The following TBCB variants were observed in gnomAD, a reference collection of about 807,000 sequenced individuals.
TBCB encodes the protein tubulin-folding cofactor B.
In TBCB, 18 loss-of-function variants were observed where a neutral mutation model predicts 29.2. That is an observed-to-expected ratio of 0.62 (90% CI 0.43 to 0.91). The LOEUF (loss-of-function observed/expected upper bound fraction) is 0.91, where lower values mean the gene tolerates loss of function less well. Among genes scored for constraint, TBCB ranks in the 40% least tolerant of loss-of-function variants. TBCB has a pLI of 0.00. For missense variants in TBCB, 336 were observed against 337.6 expected (o/e 1.00, Z 0.04); for synonymous variants, 172 against 137.8 (o/e 1.25, Z -1.74).
chr19:36,116,127 G>A lies in TBCB; in HGVS notation c.201G>A (p.Leu67=). 1 of 1,614,192 alleles carries A rather than the reference G, an allele frequency of 6.2e-7. No homozygotes were observed. The highest frequency in any genetic ancestry group is 8.5e-7 in the Non-Finnish European group (1 of 1,180,030). ...YGVDDKFYSK[L]DQEDALLGSY... is the part of the protein sequence containing the mutation. ...TTGACGACAAGTTCTACAGCAAGCT[G>A]GATCAAGAGGATGCGCTCCTGGGCT... Residue 67 remains leucine (L), a synonymous_variant, in exon 2 of 6, where the codon CTG becomes CTA. Coordinates refer to ENST00000221855, the MANE Select transcript of TBCB (RefSeq NM_001281.3).
rs1220295080 is a variant in TBCB, at chr19:36,116,103, TGAC to T, written c.181_183del (p.Asp61del). The T allele has an allele frequency of 3.7e-6, 6 of 1,614,156 alleles. No homozygotes were observed. Among genetic ancestry groups the T allele is most frequent in the South Asian group, 1.1e-5 (1 of 91,082 alleles). ...GCATGGAACTGGAGCTGTATGGAGTTGACGACAAGTTCTACAGCAAGCTGGATC... is the reference window on the plus strand; with the variant it reads ...GCATGGAACTGGAGCTGTATGGAGTTGACAAGTTCTACAGCAAGCTGGATC... On this transcript the variant is annotated inframe_deletion, in exon 2 of 6. Coordinates refer to ENST00000221855, the MANE Select transcript of TBCB (RefSeq NM_001281.3).
intron 2 of TBCB, chr19:36,120,359 C>T (rs2239509): frequency 0.035 from 8,803 of 250,204 alleles, 322 homozygotes; most frequent in East Asian, 0.19. Context: ...TAGGAGAGTC[C>T]CAGAGGCCCA....
intron 1 of TBCB, 58 bp from the exon 2 acceptor site, chr19:36,115,983 G>GCC: frequency 6.3e-7 from 1 of 1,585,326 alleles, no homozygotes; most frequent in South Asian, 1.1e-5. Flanking sequence ...GATGGTCATT[G>GCC]ATGCAAGGGG....
chr19:36,115,635 G>T lies in TBCB; in HGVS notation c.75G>T (p.Glu25Asp). 1 of 1,595,652 alleles carries T rather than the reference G, an allele frequency of 6.3e-7. No individual in the cohort carries two copies. The highest frequency in any genetic ancestry group is 8.5e-7 in the Non-Finnish European group (1 of 1,170,070). ...GCTCCCTCAACACCTTCCGCTCCGA[G>T]AAGCGATACAGCCGCAGCCTCACCA... ...ISSSLNTFRS[E>D]KRYSRSLTIA... The change falls in exon 1 of 6, where the codon GAG becomes GAT. Residue 25 changes from glutamate to aspartate, a missense_variant. By Grantham distance (45) the Glu-to-Asp change is conservative (BLOSUM62 2). Transcript: ENST00000221855.
chr19:36,122,393 T>A (rs1306468779), intron 4 of TBCB, among the ~76,000 whole-genome samples: 2 of 151,592 alleles, frequency 1.3e-5, no homozygotes, highest in African/African-American at 4.9e-5. Flanking sequence ...TACAGTGAGC[T>A]ATGATTGTGT....
In TBCB at chr19:36,115,577, T is replaced by A. The variant is rs749067440; in HGVS notation, c.17T>A (p.Val6Glu). MEVTG[V>E]SAPTVTVFIS... ...CGCGGCAAGATGGAGGTGACGGGGG[T>A]GTCGGCACCCACGGTGACCGTTTTC... Residue 6 changes from valine to glutamate, a missense_variant, in exon 1 of 6, where the codon GTG becomes GAG. Physicochemically the swap from Val to Glu is moderately radical, Grantham distance 121. Transcript: ENST00000221855. The A allele has an allele frequency of 6.2e-7, 1 of 1,607,286 alleles. No homozygotes were observed. Among genetic ancestry groups the A allele is most frequent in the African/African-American group, 1.3e-5 (1 of 74,510 alleles).
At chr19:36,125,359 A>G (rs747215485) in intron 4 of TBCB, 92 bp from the exon 5 acceptor site, 5 of 1,377,112 alleles carry the variant, frequency 3.6e-6, no homozygotes, top group Admixed American at 1.7e-5. Flanking sequence ...CTTCTACTCA[A>G]TGGGTAGGCA....
At chr19:36,118,888 G>A (rs10425700) in intron 2 of TBCB, among the ~76,000 whole-genome samples, 113,302 of 151,814 alleles carry the variant, frequency 0.75, 42,623 homozygotes, top group African/African-American at 0.82. Context: ...TGGGGAACAG[G>A]TGGTGGAGGA....
upstream of TBCB, chr19:36,115,378 T>C (rs1447356854): frequency 5.0e-6 from 3 of 596,492 alleles, no homozygotes; most frequent in East Asian, 5.9e-5. Context: ...AGGAGAGCCC[T>C]CTTCCTGGCG....
chr19:36,121,806 G>T, intron 4 of TBCB, 88 bp downstream of exon 4: 2 of 1,502,880 alleles, frequency 1.3e-6, no homozygotes, highest in Non-Finnish European at 1.8e-6. Context: ...CGGAGACCAC[G>T]CTCTGCCTAG....
chr19:36,120,933 G>A (rs1428148264), intron 3 of TBCB, 127 bp downstream of exon 3: 2 of 845,088 alleles, frequency 2.4e-6, no homozygotes, highest in Non-Finnish European at 3.8e-6. Context: ...CGAGAGCTTG[G>A]GAGGATATAG....
At chr19:36,124,870 T>C (rs1166748910) in intron 4 of TBCB, among the ~76,000 whole-genome samples, 1 of 152,162 alleles carries the variant, frequency 6.6e-6, no homozygotes, top group African/African-American at 2.4e-5. Flanking sequence ...GAAGTGTGTG[T>C]TCATGTCCTT....
upstream of TBCB, chr19:36,115,009 C>T (rs966276087): frequency 2.7e-5 from 19 of 711,306 alleles, no homozygotes; most frequent in Admixed American, 5.4e-5. Flanking sequence ...CGGCTCTCTC[C>T]GCGCAGAGGT....
chr19:36,121,491 G>A (rs75674576), intron 3 of TBCB, 36 bp from the exon 4 acceptor site: 52 of 1,532,140 alleles, frequency 3.4e-5, no homozygotes, highest in Middle Eastern at 3.9e-4. Context: ...AGGCCCGGCC[G>A]ACACCCCAAC....
At position 36,120,191 on chromosome 19, in the gene TBCB, A is replaced by T. The variant is rs140740967; in HGVS notation, c.259-519A>T. 3.8e-3 allele frequency among the ~76,000 whole-genome samples: 586 copies of T among 152,232 alleles called. 3 individuals carry two copies. The highest frequency in any genetic ancestry group is 0.014 in the African/African-American group (564 of 41,546). On this transcript the variant is annotated intron_variant, in intron 2 of 5. Transcript: ENST00000221855. ...TGTTTGTGGTTGGCCTTCTCCCTGCACAATGAGCACAGCCTGAGGGCAGAG... is the reference window on the plus strand; with the variant it reads ...TGTTTGTGGTTGGCCTTCTCCCTGCTCAATGAGCACAGCCTGAGGGCAGAG...
At chr19:36,122,162 T>G in intron 4 of TBCB, 7 of 250,404 alleles carry the variant, frequency 2.8e-5, no homozygotes, top group Middle Eastern at 1.5e-3. Context: ...CCAGAAGGAG[T>G]AGCGGGTGCA....
At chr19:36,115,042 T>C, upstream of TBCB, 1 of 621,534 alleles carries the variant, frequency 1.6e-6, no homozygotes, top group Non-Finnish European at 2.8e-6. Context: ...TTCAATCTTT[T>C]GATATCTTAG....
At chr19:36,116,694 A>G (rs1973961109) in intron 2 of TBCB, 1 of 152,516 alleles carries the variant, frequency 6.6e-6, no homozygotes, top group Admixed American at 6.5e-5. Context: ...CAGTGGCACT[A>G]TCGGGCTCAC....
intron 4 of TBCB, among the ~76,000 whole-genome samples, chr19:36,122,965 C>T (rs957315339): frequency 6.6e-6 from 1 of 152,110 alleles, no homozygotes. Context: ...TGTGTGTACC[C>T]ATCCCCCAGT....
Sources: allele counts gnomAD v4.1 joint callset (sites outside exome capture counted in the v4.1 genomes callset), GRCh38; gene constraint gnomAD v4.1.1; transcripts MANE v1.5; gene names NCBI Gene and HGNC (gene_info 2026-07-23, HGNC 2026-07-21).